Variants in CCSER1 observed in about 807,000 individuals in gnomAD.
CCSER1 encodes the protein serine-rich coiled-coil domain-containing protein 1.
A neutral mutation model predicts 82.0 loss-of-function variants in CCSER1; 41 were observed. The ratio of observed to expected loss-of-function variants is 0.50; its 90% CI spans 0.39 to 0.65. CCSER1 has a LOEUF of 0.65. Among genes scored for constraint, CCSER1 ranks in the 30% least tolerant of loss-of-function variants. The pLI is 0.00. For synonymous variants in CCSER1, 414 were observed against 383.9 expected (o/e 1.08, Z -0.92); for missense variants, 1,119 against 1,064.2 (o/e 1.05, Z -0.72).
intron 10 of CCSER1, among the ~76,000 whole-genome samples, chr4:91,088,400 T>C (rs1396817741): frequency 6.6e-6 from 1 of 152,104 alleles, no homozygotes; most frequent in African/African-American, 2.4e-5. Flanking sequence ...AAGTAGACAG[T>C]AATATGCTAT....
intron 10 of CCSER1, among the ~76,000 whole-genome samples, chr4:91,300,452 A>G (rs1336846339): frequency 3.3e-5 from 5 of 151,676 alleles, no homozygotes; most frequent in African/African-American, 1.2e-4. Context: ...GGAAATATAT[A>G]AAAGAGTTAA....
chr4:90,587,447 T>C (rs541604055), intron 5 of CCSER1, among the ~76,000 whole-genome samples: 10 of 152,212 alleles, frequency 6.6e-5, no homozygotes, highest in African/African-American at 2.4e-4. Flanking sequence ...CCATCTCTAC[T>C]AAAAATACAA....
chr4:91,251,682 G>T (rs7675354), intron 10 of CCSER1, among the ~76,000 whole-genome samples: 5 of 151,876 alleles, frequency 3.3e-5, no homozygotes, highest in African/African-American at 1.2e-4. Context: ...GCATATTTAC[G>T]ACATAAAAGT....
chr4:90,274,694 C>A (rs564712623), intron 1 of CCSER1, among the ~76,000 whole-genome samples: 30 of 151,884 alleles, frequency 2.0e-4, no homozygotes, highest in Non-Finnish European at 4.0e-4. Flanking sequence ...TTTTCTTTTG[C>A]AAAATTTGCA....
intron 3 of CCSER1, among the ~76,000 whole-genome samples, chr4:90,341,301 T>G (rs1741338949): frequency 6.6e-6 from 1 of 152,082 alleles, no homozygotes; most frequent in Non-Finnish European, 1.5e-5. Context: ...TTTATTATCT[T>G]CTTCCTAGAT....
At chr4:90,860,503 A>G (rs971465425) in intron 8 of CCSER1, among the ~76,000 whole-genome samples, 3 of 151,660 alleles carry the variant, frequency 2.0e-5, no homozygotes, top group Admixed American at 6.6e-5. Flanking sequence ...TTCTACTTCT[A>G]GATGTGATGC....
At chr4:91,506,163 T>C (rs769905887) in intron 10 of CCSER1, among the ~76,000 whole-genome samples, 2 of 152,184 alleles carry the variant, frequency 1.3e-5, no homozygotes, top group African/African-American at 2.4e-5. Context: ...GCTAGCCAGT[T>C]TTCCTAGCAC....
chr4:91,284,121 CT>C (rs1743106043), intron 10 of CCSER1, among the ~76,000 whole-genome samples: 1 of 152,082 alleles, frequency 6.6e-6, no homozygotes, highest in Admixed American at 6.6e-5. Context: ...AAAGAAGTGA[CT>C]CTTACTTAAG....
At chr4:90,914,178 C>A (rs996148425) in intron 8 of CCSER1, among the ~76,000 whole-genome samples, 1 of 152,174 alleles carries the variant, frequency 6.6e-6, no homozygotes, top group African/African-American at 2.4e-5. Flanking sequence ...CACCCCAAAT[C>A]AACAGAATAT....
chr4:91,335,270 C>T (rs1428479867), intron 10 of CCSER1, among the ~76,000 whole-genome samples: 4 of 152,028 alleles, frequency 2.6e-5, no homozygotes, highest in Admixed American at 1.3e-4. Context: ...ACCCCAATCC[C>T]CAGTGAACTT....
At chr4:91,590,130 C>A (rs1287216980) in intron 10 of CCSER1, among the ~76,000 whole-genome samples, 1 of 152,004 alleles carries the variant, frequency 6.6e-6, no homozygotes, top group Non-Finnish European at 1.5e-5. Flanking sequence ...TTAGCATTCA[C>A]CTTGCTTATC....
At chr4:91,152,531 ATTG>A (rs1730336923) in intron 10 of CCSER1, among the ~76,000 whole-genome samples, 1 of 152,158 alleles carries the variant, frequency 6.6e-6, no homozygotes, top group South Asian at 2.1e-4. Flanking sequence ...TAAGGTTAAT[ATTG>A]TTATGTGTGA....
chr4:90,549,277 G>C (rs1258200345), intron 5 of CCSER1, among the ~76,000 whole-genome samples: 1 of 152,154 alleles, frequency 6.6e-6, no homozygotes, highest in East Asian at 1.9e-4. Flanking sequence ...TGTTTGCTAA[G>C]TGTCTATAAT....
In CCSER1 at chr4:91,432,379, G is replaced by A. The variant is rs550772787; in HGVS notation, c.2218-166193G>A. Among the ~76,000 whole-genome samples the A allele has an allele frequency of 1.9e-3, 293 of 152,148 alleles. 2 individuals are homozygous for A. The highest frequency in any genetic ancestry group is 6.5e-3 in the African/African-American group (268 of 41,500). Reference sequence around the variant, plus strand: ...AATAATACTATAATGAATAACTCTCGATGTGTGTATGTATTTCTATAGAAT... The same window carrying A: ...AATAATACTATAATGAATAACTCTCAATGTGTGTATGTATTTCTATAGAAT... On this transcript the variant is annotated intron_variant, in intron 10 of 10. Coordinates refer to ENST00000509176, the MANE Select transcript of CCSER1 (RefSeq NM_001145065.2).
Position 90,533,337 on chromosome 4 carries a change from C to T in CCSER1, c.1724+64983C>T, listed in dbSNP as rs189334811. Among the ~76,000 whole-genome samples, 5 of 152,160 alleles carry T rather than the reference C, an allele frequency of 3.3e-5. No homozygotes were observed. In the East Asian group the frequency reaches 9.7e-4, roughly 29 times the overall value. ...GTCTCCATCTCCTGACCTAGTAACC[C>T]GCCCGCCTTGGCCTCCCAAAGTGCT... is the stretch of plus-strand genomic sequence containing the variant. On this transcript the variant is annotated intron_variant, in intron 5 of 10. Coordinates refer to ENST00000509176, the MANE Select transcript of CCSER1 (RefSeq NM_001145065.2).
intron 8 of CCSER1, among the ~76,000 whole-genome samples, chr4:90,901,559 A>G (rs942095709): frequency 6.6e-6 from 1 of 152,136 alleles, no homozygotes; most frequent in African/African-American, 2.4e-5. Context: ...TTTGAAGGAT[A>G]TAAATTCTTG....
intron 9 of CCSER1, among the ~76,000 whole-genome samples, chr4:90,990,831 A>G (rs531830300): frequency 6.6e-6 from 1 of 152,120 alleles, no homozygotes; most frequent in Admixed American, 6.6e-5. Flanking sequence ...TGGGAACAAC[A>G]AGAATATTAG....
At chr4:90,691,609 C>T (rs536875636) in intron 6 of CCSER1, among the ~76,000 whole-genome samples, 2 of 137,784 alleles carry the variant, frequency 1.5e-5, no homozygotes, top group South Asian at 2.3e-4. Flanking sequence ...GTGTATATAT[C>T]ACATGTATAT....
At chr4:91,391,292 A>T in intron 10 of CCSER1, among the ~76,000 whole-genome samples, 1 of 151,900 alleles carries the variant, frequency 6.6e-6, no homozygotes, top group Admixed American at 6.6e-5. Flanking sequence ...CAGAGATTTC[A>T]CCTATCTGTT....
Sources: allele counts gnomAD v4.1 joint callset (sites outside exome capture counted in the v4.1 genomes callset), GRCh38; gene constraint gnomAD v4.1.1; transcripts MANE v1.5; gene names NCBI Gene and HGNC (gene_info 2026-07-23, HGNC 2026-07-21).